The following CADPS variants were observed in gnomAD, a reference collection of about 807,000 sequenced individuals.
CADPS encodes the protein calcium-dependent secretion activator 1.
Under a neutral mutation model 167.3 loss-of-function variants are expected in CADPS, and 57 were observed. That is an observed-to-expected ratio of 0.34 (90% CI 0.28 to 0.42). CADPS has a LOEUF of 0.42. CADPS is among the 20% of genes least tolerant of loss of function. CADPS has a pLI of 1.00. For missense variants in CADPS, 1,414 were observed against 1,738.1 expected (o/e 0.81, Z 3.32); for synonymous variants, 676 against 635.3 (o/e 1.06, Z -0.96).
chr3:62,690,557 A>G (rs1431975090), intron 3 of CADPS, among the ~76,000 whole-genome samples: 2 of 151,854 alleles, frequency 1.3e-5, no homozygotes, highest in East Asian at 3.9e-4. Context: ...AGTTAAAAAG[A>G]GAACCCGGAC....
At chr3:62,738,490 G>A (rs146746808) in intron 3 of CADPS, among the ~76,000 whole-genome samples, 30 of 152,210 alleles carry the variant, frequency 2.0e-4, no homozygotes, top group African/African-American at 6.5e-4. Context: ...TTGGGAGGCC[G>A]AGGCAGGTGG....
chr3:62,849,278 T>C lies in CADPS; in HGVS notation c.441+25311A>G, dbSNP rs1481641856. On this transcript the variant is annotated intron_variant, in intron 1 of 29. Coordinates refer to ENST00000383710, the MANE Select transcript of CADPS (RefSeq NM_003716.4). ...TTGAATGCCCTTTATTTCCTTCTCC[T>C]GCCTGATTGCCCTGGCCAGAACTTC... 1.1e-3 allele frequency among the ~76,000 whole-genome samples: 162 copies of C among 148,032 alleles called. 1 individual carries two copies. The highest frequency in any genetic ancestry group is 3.7e-3 in the African/African-American group (148 of 39,516).
At chr3:62,604,332 G>A (rs1224644881) in intron 6 of CADPS, among the ~76,000 whole-genome samples, 1 of 152,140 alleles carries the variant, frequency 6.6e-6, no homozygotes, top group East Asian at 1.9e-4. Context: ...CCTCATTTCT[G>A]ATGGATCTAA....
rs536827997 is a variant in CADPS, at chr3:62,593,305, A to G, written c.1326-557T>C. On this transcript the variant is annotated intron_variant, in intron 6 of 29. Transcript: ENST00000383710. Reference sequence around the variant, plus strand: ...GAGATTGGAAGGGAGAAGGATGAGGATGTGGGAAATGCCATTCCCTGCTCA... The same window carrying G: ...GAGATTGGAAGGGAGAAGGATGAGGGTGTGGGAAATGCCATTCCCTGCTCA... 2.0e-5 allele frequency among the ~76,000 whole-genome samples: 3 copies of G among 152,330 alleles called. No individual in the cohort carries two copies. The South Asian group carries it at 6.2e-4, about 32-fold the overall frequency.
Position 62,549,998 on chromosome 3 carries a change from C to T in CADPS, c.1871G>A (p.Gly624Glu), listed in dbSNP as rs1390720390. 6.2e-7 allele frequency: 1 copy of T among 1,614,042 alleles called. No individual in the cohort carries two copies. Among genetic ancestry groups the T allele is most frequent in the Admixed American group, 1.7e-5 (1 of 60,010 alleles). Residue 624 changes from glycine to glutamate, a missense_variant, in exon 11 of 30, where the codon GGG becomes GAG. This residue lies in a region of CADPS where 529 missense variants were observed against 629.6 expected (regional missense o/e 0.84). Coordinates refer to ENST00000383710, the MANE Select transcript of CADPS (RefSeq NM_003716.4). ...CGGGGGCACAGGCTTGTGTGACTGC[C>T]CCGTGGCCCGATACATGGCCTGGAC... ...LWVQAMYRAT[G>E]QSHKPVPPTQ... is the part of the protein sequence containing the mutation.
At chr3:62,797,862 T>TA (rs1310533981) in intron 1 of CADPS, among the ~76,000 whole-genome samples, 21 of 152,046 alleles carry the variant, frequency 1.4e-4, no homozygotes, top group African/African-American at 5.1e-4. Flanking sequence ...CTGAAAGTAA[T>TA]CTATAACAAA....
At chr3:62,445,502 T>C (rs906815030) in intron 27 of CADPS, among the ~76,000 whole-genome samples, 9 of 151,348 alleles carry the variant, frequency 5.9e-5, no homozygotes, top group Non-Finnish European at 1.0e-4. Flanking sequence ...CCAATGAAAA[T>C]GAAAGTGAAA....
At chr3:62,497,446 T>G (rs1447794551) in intron 18 of CADPS, among the ~76,000 whole-genome samples, 2 of 152,204 alleles carry the variant, frequency 1.3e-5, no homozygotes, top group African/African-American at 4.8e-5. Context: ...GGAGATGACT[T>G]TGTAGACACG....
rs763464152 is a variant in CADPS, at chr3:62,614,216, G to A, written c.1326-21468C>T. 1.3e-5 allele frequency among the ~76,000 whole-genome samples: 2 copies of A among 152,158 alleles called. 1 individual carries two copies. Among genetic ancestry groups the A allele is most frequent in the Middle Eastern group, 6.3e-3 (2 of 316 alleles). ...AATCCTCACAGTGATGCTATGGGGT[G>A]GTGAGAGCTGTTAGCCCTGTTTTAC... On this transcript the variant is annotated intron_variant, in intron 6 of 29. Transcript: ENST00000383710.
intron 22 of CADPS, among the ~76,000 whole-genome samples, chr3:62,479,059 C>T (rs1013650680): frequency 1.3e-5 from 2 of 152,180 alleles, no homozygotes; most frequent in African/African-American, 4.8e-5. Flanking sequence ...ATTGCATAGG[C>T]AGGGTCCTCA....
At chr3:62,406,384 G>A (rs1184572781) in intron 28 of CADPS, among the ~76,000 whole-genome samples, 1 of 152,110 alleles carries the variant, frequency 6.6e-6, no homozygotes, top group African/African-American at 2.4e-5. Flanking sequence ...TGAGATGGAT[G>A]GGAATGCAGC....
At chr3:62,513,778 G>A (rs2068386347) in intron 16 of CADPS, 3 of 964,018 alleles carry the variant, frequency 3.1e-6, no homozygotes, top group East Asian at 2.6e-5. Flanking sequence ...TAGGTTAGAG[G>A]AAAACGTTAC....
At position 62,599,817 on chromosome 3, in the gene CADPS, T is replaced by TAA. The variant is rs1562715632; in HGVS notation, c.1326-7070_1326-7069insTT. 2.2e-3 allele frequency among the ~76,000 whole-genome samples: 15 copies of TAA among 6,770 alleles called. 2 individuals are homozygous for TAA. The highest frequency in any genetic ancestry group is 6.2e-3 in the African/African-American group (14 of 2,274). 4.4% of individuals were successfully genotyped at this position (6,770 alleles called of 152,430 possible). On this transcript the variant is annotated intron_variant, in intron 6 of 29. Coordinates refer to ENST00000383710, the MANE Select transcript of CADPS (RefSeq NM_003716.4). ...TATATAATATATAATAAATAATATA[T>TAA]TATATATTATATATATAATATATTA... is the stretch of plus-strand genomic sequence containing the variant.
intron 26 of CADPS, among the ~76,000 whole-genome samples, chr3:62,461,208 A>G (rs748368268): frequency 2.6e-5 from 4 of 152,256 alleles, no homozygotes; most frequent in Non-Finnish European, 5.9e-5. Flanking sequence ...TAAAGCACAT[A>G]GCTTTGTGCC....
At chr3:62,819,130 C>G (rs1207199152) in intron 1 of CADPS, among the ~76,000 whole-genome samples, 1 of 151,924 alleles carries the variant, frequency 6.6e-6, no homozygotes, top group Non-Finnish European at 1.5e-5. Flanking sequence ...GTGTATTTGT[C>G]AAAACTCAGT....
At chr3:62,626,844 T>C (rs1029084179) in intron 6 of CADPS, among the ~76,000 whole-genome samples, 7 of 152,132 alleles carry the variant, frequency 4.6e-5, no homozygotes, top group African/African-American at 1.7e-4. Context: ...ATCAATGATA[T>C]GCTGATATGT....
Position 62,874,720 on chromosome 3 carries a change from C to T in CADPS, c.310G>A (p.Glu104Lys), listed in dbSNP as rs1242130335. ...TCCTCTTTCTGCAGCCGCTCCAACTCTTCCTTCTCCTTCTCGCTCACCACC... is the reference window on the plus strand; with the variant it reads ...TCCTCTTTCTGCAGCCGCTCCAACTTTTCCTTCTCCTTCTCGCTCACCACC... Reference protein sequence around the residue: ...PSVVSEKEKEELERLQKEEEE... With the variant: ...PSVVSEKEKEKLERLQKEEEE... The change falls in exon 1 of 30, where the codon GAG becomes AAG. Residue 104 changes from glutamate to lysine, a missense_variant. Transcript: ENST00000383710. The surrounding 1 kb of genome is among the most constrained non-coding windows in gnomAD (Gnocchi z 7.1). 1 of 1,534,756 alleles carries T rather than the reference C, an allele frequency of 6.5e-7. No homozygotes were observed. Among genetic ancestry groups the T allele is most frequent in the Non-Finnish European group, 8.8e-7 (1 of 1,131,536 alleles).
At chr3:62,523,051 T>C (rs545495200) in intron 13 of CADPS, among the ~76,000 whole-genome samples, 1 of 152,190 alleles carries the variant, frequency 6.6e-6, no homozygotes, top group Non-Finnish European at 1.5e-5. Flanking sequence ...TTCGGCAGCA[T>C]GATAGGAAAG....
intron 13 of CADPS, among the ~76,000 whole-genome samples, chr3:62,522,358 C>G (rs2151805850): frequency 6.6e-6 from 1 of 152,218 alleles, no homozygotes; most frequent in East Asian, 1.9e-4. Context: ...AGGCTGGTCT[C>G]TAACTCCTGG....
Sources: gnomAD v4.1 joint callset for allele counts (sites outside exome capture counted in the v4.1 genomes callset) on GRCh38, gnomAD v4.1.1 for gene constraint, gnomAD v4.1.1 regional missense constraint, Gnocchi (gnomAD v3.1) non-coding constraint, MANE v1.5 for transcripts, NCBI Gene and HGNC (gene_info 2026-07-23, HGNC 2026-07-21) for gene names.